Variants in LARP1 observed in about 807,000 individuals in gnomAD.
LARP1 encodes the protein La ribonucleoprotein 1, translational regulator.
Under a neutral mutation model 122.7 loss-of-function variants are expected in LARP1, and 36 were observed. The ratio of observed to expected loss-of-function variants is 0.29; its 90% CI spans 0.22 to 0.39. The LOEUF is 0.39. Ranked by LOEUF, LARP1 falls within the 10% of genes least tolerant of loss-of-function variation. The pLI is 1.00. For missense variants in LARP1, 1,040 were observed against 1,403.6 expected (o/e 0.74, Z 4.14); for synonymous variants, 539 against 528.7 (o/e 1.02, Z -0.27).
intron 1 of LARP1, among the ~76,000 whole-genome samples, chr5:154,724,760 A>G (rs1756092640): frequency 6.6e-6 from 1 of 150,950 alleles, no homozygotes; most frequent in Admixed American, 6.6e-5. Context: ...TGAGCTTCCC[A>G]GGCTCAGGTG....
At chr5:154,787,929 TCAAA>T (rs1172812750) in intron 1 of LARP1, among the ~76,000 whole-genome samples, 3 of 152,230 alleles carry the variant, frequency 2.0e-5, no homozygotes, top group Non-Finnish European at 4.4e-5. Context: ...CCTTTTGTGA[TCAAA>T]CAATGATCTG....
upstream of LARP1, among the ~76,000 whole-genome samples, chr5:154,754,649 C>T (rs1177634923): frequency 6.6e-6 from 1 of 152,276 alleles, no homozygotes; most frequent in Non-Finnish European, 1.5e-5. Context: ...TAGGCGCCGG[C>T]TGCCCGCAAG....
chr5:154,708,845 T>C (rs536156151), upstream of LARP1, among the ~76,000 whole-genome samples: 1 of 152,234 alleles, frequency 6.6e-6, no homozygotes, highest in Admixed American at 6.5e-5. Context: ...TTCCGACCTC[T>C]GGAGATCCAC....
chr5:154,753,531 G>T (rs78426016), upstream of LARP1, among the ~76,000 whole-genome samples: 514 of 152,316 alleles, frequency 3.4e-3, 2 homozygotes, highest in African/African-American at 0.012. Flanking sequence ...TAGATTCCTG[G>T]TTTAATTCAT....
Position 154,795,289 on chromosome 5 carries a change from C to G in LARP1, c.1347C>G (p.Ala449=), listed in dbSNP as rs1757660839. Residue 449 remains alanine, a synonymous_variant, in exon 8 of 19, where the codon GCC becomes GCG. Transcript: ENST00000518297. ...TTGCTTCCTTCCACCGAGTGCAGGCCCTTACCACTGACATTTCACTCATCT... is the reference window on the plus strand; with the variant it reads ...TTGCTTCCTTCCACCGAGTGCAGGCGCTTACCACTGACATTTCACTCATCT... ...TLIASFHRVQ[A]LTTDISLIFA... 6.2e-7 allele frequency: 1 copy of G among 1,613,940 alleles called. No homozygotes were observed. The highest frequency in any genetic ancestry group is 1.7e-5 in the Admixed American group (1 of 59,986).
At chr5:154,695,764 T>G (rs1267431381) in intron 1 of LARP1, among the ~76,000 whole-genome samples, 1 of 152,020 alleles carries the variant, frequency 6.6e-6, no homozygotes, top group Non-Finnish European at 1.5e-5. Context: ...TCCCAGCTAC[T>G]TGGGCGGCTG....
Position 154,727,668 on chromosome 5 carries a change from CTA to C in LARP1, c.205+14540_205+14541del, listed in dbSNP as rs1340979970. Among the ~76,000 whole-genome samples the C allele has an allele frequency of 7.2e-5, 11 of 152,228 alleles. No homozygotes were observed. The East Asian group carries it at 1.9e-3, about 27-fold the overall frequency. On this transcript the variant is annotated intron_variant, in intron 1 of 18. Transcript: ENST00000336314. ...TGTTGTGTTCTCACAAAAATAATGA[CTA>C]TGTGAGCTAATGTTAATTAGCAAGA... is the stretch of plus-strand genomic sequence containing the variant.
At chr5:154,733,936 C>T (rs577799919) in intron 1 of LARP1, among the ~76,000 whole-genome samples, 4 of 152,020 alleles carry the variant, frequency 2.6e-5, no homozygotes, top group African/African-American at 2.4e-5. Flanking sequence ...GAGGCGGAGG[C>T]GGGTGGATCA....
rs892255794 is a variant in LARP1, at chr5:154,755,554, C to T, written c.-204C>T. 1.5e-5 allele frequency: 15 copies of T among 987,418 alleles called. No homozygotes were observed. The highest frequency in any genetic ancestry group is 1.4e-4 in the African/African-American group (8 of 57,236). 61.2% of individuals were successfully genotyped at this position (987,418 alleles called of 1,614,324 possible). ...GCAGAGTGGGGGGCCTTCCTCCCCC[C>T]CCGCCCCGCTAGTGGGCCTCGGATT... is the stretch of plus-strand genomic sequence containing the variant. On this transcript the variant is annotated 5_prime_UTR_variant, in exon 1 of 19. Coordinates refer to ENST00000518297, the MANE Select transcript of LARP1 (RefSeq NM_033551.3).
At chr5:154,725,863 T>TCA (rs879510253) in intron 1 of LARP1, among the ~76,000 whole-genome samples, 4,682 of 152,010 alleles carry the variant, frequency 0.031, 110 homozygotes, top group Non-Finnish European at 0.045. Flanking sequence ...TTTTTTGAGT[T>TCA]GAAGTCTCGC....
intron 1 of LARP1, among the ~76,000 whole-genome samples, chr5:154,740,116 G>A (rs2113453826): frequency 6.6e-6 from 1 of 151,748 alleles, no homozygotes; most frequent in East Asian, 1.9e-4. Context: ...AAATAGCTGG[G>A]CGCGGTGGCT....
At chr5:154,779,036 C>CT (rs144191079) in intron 1 of LARP1, among the ~76,000 whole-genome samples, 15,348 of 152,128 alleles carry the variant, frequency 0.1, 865 homozygotes, top group Admixed American at 0.15. Flanking sequence ...CTTACCCCAC[C>CT]TTTTTTTGGG....
Position 154,690,718 on chromosome 5 carries a change from A to T in LARP1, c.-180+7681A>T, listed in dbSNP as rs571162332. Reference sequence around the variant, plus strand: ...CCCAGGCACGATGGGCCCCGCCCGCACTGGTGGTGTGCGGAGGACGCGCAG... The same window carrying T: ...CCCAGGCACGATGGGCCCCGCCCGCTCTGGTGGTGTGCGGAGGACGCGCAG... On this transcript the variant is annotated intron_variant, in intron 1 of 18. Transcript: ENST00000687700. Among the ~76,000 whole-genome samples the T allele has an allele frequency of 6.3e-3, 965 of 152,282 alleles. 14 individuals are homozygous for T. The highest frequency in any genetic ancestry group is 0.022 in the African/African-American group (895 of 41,570).
intron 15 of LARP1, among the ~76,000 whole-genome samples, chr5:154,807,848 C>G (rs1295170986): frequency 5.9e-5 from 9 of 152,296 alleles, no homozygotes; most frequent in Non-Finnish European, 1.2e-4. Flanking sequence ...GCAACCTTGC[C>G]CAGCCAAGAT....
At chr5:154,712,992 G>A in exon 1 of LARP1, 3 of 1,614,198 alleles carry the variant, frequency 1.9e-6, no homozygotes, top group Non-Finnish European at 2.5e-6. Flanking sequence ...TTTCCAAGAG[G>A]CTCCCATACC....
chr5:154,794,284 T>C, intron 7 of LARP1, 22 bp downstream of exon 7: 1 of 1,609,124 alleles, frequency 6.2e-7, no homozygotes, highest in Non-Finnish European at 8.5e-7. Context: ...GAAGCCTTCT[T>C]ACCCTGGAGA....
At chr5:154,696,300 T>C (rs1039571890) in intron 1 of LARP1, among the ~76,000 whole-genome samples, 1 of 152,162 alleles carries the variant, frequency 6.6e-6, no homozygotes, top group Non-Finnish European at 1.5e-5. Flanking sequence ...GAGGCTGCAG[T>C]GAGCCGATAT....
chr5:154,687,443 G>A lies in LARP1; in HGVS notation c.-180+4406G>A, dbSNP rs535961034. Among the ~76,000 whole-genome samples, 420 of 152,292 alleles carry A rather than the reference G, an allele frequency of 2.8e-3. 3 individuals carry two copies. The highest frequency in any genetic ancestry group is 8.9e-3 in the African/African-American group (371 of 41,548). On this transcript the variant is annotated intron_variant, in intron 1 of 18. Transcript: ENST00000687700. Reference sequence around the variant, plus strand: ...GTCACCTAGGCCGGAGTGCAGTGGCGTGATCTCGGCTCACTGCAAGCTCCG... The same window carrying A: ...GTCACCTAGGCCGGAGTGCAGTGGCATGATCTCGGCTCACTGCAAGCTCCG...
chr5:154,709,598 ATTTTTTTTTTTTTT>A (rs60062105), upstream of LARP1, among the ~76,000 whole-genome samples: 2 of 81,350 alleles, frequency 2.5e-5, no homozygotes, highest in African/African-American at 5.1e-5. Flanking sequence ...CTCCAGTGAG[ATTTTTTTTTTTTTT>A]TTTTTTTTTT....
Sources: allele counts gnomAD v4.1 joint callset (sites outside exome capture counted in the v4.1 genomes callset), GRCh38; gene constraint gnomAD v4.1.1; transcripts MANE v1.5; gene names NCBI Gene and HGNC (gene_info 2026-07-23, HGNC 2026-07-21).